The following SORCS1 variants were observed in gnomAD, a reference collection of about 807,000 sequenced individuals.
SORCS1 encodes the protein VPS10 domain-containing receptor SorCS1.
SORCS1 carries 60 observed loss-of-function variants against 146.1 expected under a neutral mutation model. The ratio of observed to expected loss-of-function variants is 0.41; its 90% CI spans 0.33 to 0.51. The LOEUF is 0.51. SORCS1 is among the 20% of genes least tolerant of loss of function. The probability of loss-of-function intolerance (pLI) is 0.21; values close to 1 mark genes in which losing one functional copy is unlikely to be tolerated. For missense variants in SORCS1, 1,352 were observed against 1,487.6 expected (o/e 0.91, Z 1.50); for synonymous variants, 637 against 584.0 (o/e 1.09, Z -1.31).
chr10:106,924,728 C>CTTT lies in SORCS1; in HGVS notation c.626+31782_626+31784dup, dbSNP rs71025565. Among the ~76,000 whole-genome samples, 869 of 138,764 alleles carry CTTT rather than the reference C, an allele frequency of 6.3e-3. 8 individuals carry two copies. The highest frequency in any genetic ancestry group is 0.016 in the African/African-American group (573 of 36,512). The allele number at this position is 138,764 out of a possible 152,430, so 91.0% of individuals were successfully genotyped here. A position where few individuals can be genotyped will look rare whatever the true frequency, so the allele number is the denominator to read the frequency against. Reference sequence around the variant, plus strand: ...AACAGATGAACAGGGATTCCCAAGTCTTTTTTTTTTTCAATTTTTACATTT... The same window carrying CTTT: ...AACAGATGAACAGGGATTCCCAAGTCTTTTTTTTTTTTTTCAATTTTTACATTT... On this transcript the variant is annotated intron_variant, in intron 2 of 25. Coordinates refer to ENST00000263054, the MANE Select transcript of SORCS1 (RefSeq NM_052918.5).
intron 2 of SORCS1, among the ~76,000 whole-genome samples, chr10:106,928,925 ATT>A (rs1953240466): frequency 7.1e-6 from 1 of 140,468 alleles, no homozygotes; most frequent in Non-Finnish European, 1.6e-5. Flanking sequence ...ATATATATAT[ATT>A]CACTGAATTA....
chr10:106,596,721 T>C (rs578093792), intron 24 of SORCS1, among the ~76,000 whole-genome samples: 1 of 152,346 alleles, frequency 6.6e-6, no homozygotes, highest in Admixed American at 6.5e-5. Flanking sequence ...AATATGAATA[T>C]GTTGAAAATA....
At chr10:106,952,645 A>C (rs1052626604) in intron 2 of SORCS1, among the ~76,000 whole-genome samples, 10 of 150,526 alleles carry the variant, frequency 6.6e-5, no homozygotes, top group African/African-American at 2.2e-4. Context: ...CTGTTTTCTA[A>C]ATTACATTTT....
intron 10 of SORCS1, among the ~76,000 whole-genome samples, chr10:106,686,033 A>C (rs910875904): frequency 6.6e-6 from 1 of 152,218 alleles, no homozygotes; most frequent in Admixed American, 6.5e-5. Flanking sequence ...CGGTATATAC[A>C]TCTGTCAAAA....
At chr10:106,713,189 C>A (rs77636900) in intron 6 of SORCS1, among the ~76,000 whole-genome samples, 1,992 of 152,242 alleles carry the variant, frequency 0.013, 23 homozygotes, top group Middle Eastern at 0.037. Flanking sequence ...ATGGAAAGTA[C>A]CCATTTCCTA....
chr10:106,910,521 T>C (rs996280971), intron 2 of SORCS1, among the ~76,000 whole-genome samples: 2 of 152,096 alleles, frequency 1.3e-5, no homozygotes, highest in African/African-American at 4.8e-5. Flanking sequence ...ATCCCATCAG[T>C]CACTGAAGAA....
At chr10:106,613,705 G>A (rs1179073241) in intron 21 of SORCS1, among the ~76,000 whole-genome samples, 1 of 152,116 alleles carries the variant, frequency 6.6e-6, no homozygotes. Context: ...CCTAAAACCT[G>A]CCAGTGCCTC....
chr10:106,578,907 C>T, intron 25 of SORCS1: 4 of 1,416,156 alleles, frequency 2.8e-6, no homozygotes, highest in Non-Finnish European at 3.7e-6. Context: ...TAGATAGAAG[C>T]AAGAGGTTTG....
Position 107,135,934 on chromosome 10 carries a change from A to T in SORCS1, c.558+28035T>A, listed in dbSNP as rs1026999001. On this transcript the variant is annotated intron_variant, in intron 1 of 25. Transcript: ENST00000263054. ...GCTACTAAAAGCAAAGAGGGAAGAA[A>T]ATACAGATATTACATATGGTTGTTA... Among the ~76,000 whole-genome samples the T allele has an allele frequency of 2.0e-5, 3 of 152,196 alleles. No homozygotes were observed. The East Asian group carries it at 5.8e-4, about 29-fold the overall frequency.
At chr10:107,025,576 T>C (rs1036075798) in intron 1 of SORCS1, among the ~76,000 whole-genome samples, 1 of 152,220 alleles carries the variant, frequency 6.6e-6, no homozygotes, top group African/African-American at 2.4e-5. Flanking sequence ...TCAGATACAC[T>C]GGATACAAGC....
intron 1 of SORCS1, among the ~76,000 whole-genome samples, chr10:107,030,125 A>G (rs1289405532): frequency 6.6e-6 from 1 of 152,178 alleles, no homozygotes; most frequent in East Asian, 1.9e-4. Context: ...GGTCTACTCC[A>G]TGTTGCTTTT....
intron 1 of SORCS1, among the ~76,000 whole-genome samples, chr10:107,052,241 A>C (rs953063887): frequency 2.0e-5 from 3 of 152,230 alleles, no homozygotes; most frequent in African/African-American, 7.2e-5. Flanking sequence ...ATTTCTCAGC[A>C]CTGGGAATCT....
intron 3 of SORCS1, among the ~76,000 whole-genome samples, chr10:106,791,174 C>T (rs1033658970): frequency 6.6e-6 from 1 of 152,132 alleles, no homozygotes; most frequent in Admixed American, 6.5e-5. Flanking sequence ...CTGCTTTTCC[C>T]ACTTTAAAGC....
intron 11 of SORCS1, 129 bp downstream of exon 11, chr10:106,679,503 T>C: frequency 9.8e-7 from 1 of 1,019,376 alleles, no homozygotes. Flanking sequence ...TTCAAAATTA[T>C]TTTTAGCTTG....
chr10:106,756,553 G>A (rs958550911), intron 5 of SORCS1, among the ~76,000 whole-genome samples: 2 of 152,154 alleles, frequency 1.3e-5, no homozygotes, highest in African/African-American at 4.8e-5. Context: ...GTTGCTGTCA[G>A]TTAAATTAAA....
chr10:107,097,113 G>C (rs1017957617), intron 1 of SORCS1, among the ~76,000 whole-genome samples: 7 of 152,168 alleles, frequency 4.6e-5, no homozygotes, highest in African/African-American at 1.7e-4. Context: ...TGAATGCAAG[G>C]TTCTGGGAAA....
intron 4 of SORCS1, among the ~76,000 whole-genome samples, chr10:106,762,377 T>TTTA (rs1213759055): frequency 6.9e-6 from 1 of 145,810 alleles, no homozygotes; most frequent in African/African-American, 2.5e-5. Flanking sequence ...CTAAGTCTTT[T>TTTA]TTATTATTCT....
At chr10:106,798,026 T>G (rs896205087) in intron 3 of SORCS1, among the ~76,000 whole-genome samples, 4 of 152,198 alleles carry the variant, frequency 2.6e-5, no homozygotes, top group Non-Finnish European at 5.9e-5. Flanking sequence ...AAATCTCATC[T>G]TGAATTCCCA....
chr10:107,084,387 G>C (rs1045668474), intron 1 of SORCS1, among the ~76,000 whole-genome samples: 29 of 151,936 alleles, frequency 1.9e-4, no homozygotes, highest in African/African-American at 7.0e-4. Flanking sequence ...ACCGGCATGA[G>C]CCGCCACACC....
Sources: gnomAD v4.1 joint callset for allele counts (sites outside exome capture counted in the v4.1 genomes callset) on GRCh38, gnomAD v4.1.1 for gene constraint, MANE v1.5 for transcripts, NCBI Gene and HGNC (gene_info 2026-07-23, HGNC 2026-07-21) for gene names.